Variants in SERPINB10 observed in about 807,000 individuals in gnomAD.
The protein encoded by SERPINB10 is serpin B10.
In SERPINB10, 35 loss-of-function variants were observed where a neutral mutation model predicts 39.1. The observed-to-expected ratio is 0.90, with a 90% CI of 0.68 to 1.19. The LOEUF is 1.19. Ranked by LOEUF, SERPINB10 falls within the 50% of genes most tolerant of loss-of-function variation. The probability of loss-of-function intolerance (pLI) is 0.00; values close to 1 mark genes in which losing one functional copy is unlikely to be tolerated. For synonymous variants in SERPINB10, 190 were observed against 158.1 expected (o/e 1.20, Z -1.52); for missense variants, 546 against 460.5 (o/e 1.19, Z -1.70).
chr18:63,934,852 C>T lies in SERPINB10; in HGVS notation c.804C>T (p.Ile268=). Residue 268 remains isoleucine, a synonymous_variant, in exon 8 of 8, where the codon ATC becomes ATT. Transcript: ENST00000238508. ...INGLEQLEKA[I]TYEKLNEWTS... ...CAAATGGGCAGCTGGAAAAGGCCAT[C>T]ACCTATGAGAAGCTGAATGAGTGGA... The T allele has an allele frequency of 1.9e-6, 3 of 1,596,888 alleles. No individual in the cohort carries two copies. The highest frequency in any genetic ancestry group is 1.1e-5 in the South Asian group (1 of 87,634).
At chr18:63,929,743 A>T (rs1390356209) in intron 5 of SERPINB10, among the ~76,000 whole-genome samples, 2 of 144,534 alleles carry the variant, frequency 1.4e-5, no homozygotes, top group Non-Finnish European at 3.0e-5. Flanking sequence ...AGAAAAAAAA[A>T]AAGAAATAGG....
chr18:63,933,127 G>A lies in SERPINB10; in HGVS notation c.713G>A (p.Gly238Asp). 6.2e-7 allele frequency: 1 copy of A among 1,613,806 alleles called. No individual in the cohort carries two copies. Among genetic ancestry groups the A allele is most frequent in the African/African-American group, 1.3e-5 (1 of 75,000 alleles). Residue 238 changes from glycine (G) to aspartate (D), a missense_variant, in exon 7 of 8, where the codon GGC becomes GAC. Physicochemically the swap from Gly to Asp is moderately conservative, Grantham distance 94 (BLOSUM62 -1). Transcript: ENST00000238508. Reference protein sequence around the residue: ...IFHIEKPKAVGLQLYYKSRDL... With the variant: ...IFHIEKPKAVDLQLYYKSRDL... ...CACATAGAAAAGCCAAAAGCAGTGG[G>A]CCTTCAACTCTACTACAAAAGCCGT...
chr18:63,912,959 G>T (rs1460971132), intron 1 of SERPINB10, among the ~76,000 whole-genome samples: 1 of 151,896 alleles, frequency 6.6e-6, no homozygotes, highest in Non-Finnish European at 1.5e-5. Context: ...TTTGAAACAT[G>T]ATATTGATCT....
In SERPINB10 at chr18:63,915,622, T is replaced by G. The variant is rs761279299; in HGVS notation, c.112T>G (p.Ser38Ala). Residue 38 changes from serine to alanine, a missense_variant, in exon 2 of 8, where the codon TCC (serine) becomes GCC (alanine). Coordinates refer to ENST00000238508, the MANE Select transcript of SERPINB10 (RefSeq NM_005024.3). The stretch of plus-strand genomic sequence containing the variant: ...CTTTTCTTCCTGGAGCATCTCAACT[T>G]CCTTGACCATAGTGTATTTGGGCGC... The part of the protein sequence containing the change: ...IFFSSWSIST[S>A]LTIVYLGAKG... 6.2e-7 allele frequency: 1 copy of G among 1,612,804 alleles called. No homozygotes were observed.
chr18:63,924,726 T>C (rs1023271447), intron 5 of SERPINB10, among the ~76,000 whole-genome samples: 1 of 151,956 alleles, frequency 6.6e-6, no homozygotes, highest in African/African-American at 2.4e-5. Context: ...CAAGAAGTCA[T>C]CTGTGATGCC....
intron 6 of SERPINB10, among the ~76,000 whole-genome samples, chr18:63,932,544 TA>T (rs933777538): frequency 6.6e-6 from 1 of 152,214 alleles, no homozygotes. Context: ...TTTGCCCATT[TA>T]AAAAAACTGG....
intron 6 of SERPINB10, among the ~76,000 whole-genome samples, chr18:63,931,292 C>T (rs1286014741): frequency 6.6e-6 from 1 of 152,098 alleles, no homozygotes; most frequent in Non-Finnish European, 1.5e-5. Context: ...TAATAATGAT[C>T]AGGGAATATG....
Position 63,935,147 on chromosome 18 carries a change from T to C in SERPINB10, c.1099T>C (p.Ser367Pro). ...GATAGATATACGAATTAGAGTCCCA[T>C]CCATTGAATTCAATGCAAATCACCC... ...SEIDIRIRVP[S>P]IEFNANHPFL... Residue 367 changes from serine (S) to proline (P), a missense_variant, in exon 8 of 8, where the codon TCC becomes CCC. Physicochemically the swap from Ser to Pro is moderately conservative, Grantham distance 74. Transcript: ENST00000238508. 6.2e-7 allele frequency: 1 copy of C among 1,613,510 alleles called. No homozygotes were observed. Among genetic ancestry groups the C allele is most frequent in the Non-Finnish European group, 8.5e-7 (1 of 1,179,994 alleles).
chr18:63,908,111 T>C, intron 1 of SERPINB10, 71 bp downstream of exon 1: 1 of 256,360 alleles, frequency 3.9e-6, no homozygotes, highest in South Asian at 3.8e-5. Flanking sequence ...CCCAGCTAGG[T>C]AACAAATAAT....
At chr18:63,929,734 G>GAAAAAAAAAAAAAAAAAAAAAAAA (rs796777562) in intron 5 of SERPINB10, among the ~76,000 whole-genome samples, 3 of 113,846 alleles carry the variant, frequency 2.6e-5, no homozygotes, top group Non-Finnish European at 5.6e-5. Flanking sequence ...AAAAAAAAAA[G>GAAAAAAAAAAAAAAAAAAAAAAAA]AAAAAAAAAA....
intron 6 of SERPINB10, among the ~76,000 whole-genome samples, chr18:63,931,804 G>A (rs189379178): frequency 4.6e-5 from 7 of 152,204 alleles, no homozygotes; most frequent in Admixed American, 4.6e-4. Flanking sequence ...GTCCACTCTT[G>A]ATGTCGTACT....
intron 6 of SERPINB10, among the ~76,000 whole-genome samples, chr18:63,930,427 G>A (rs1239379846): frequency 6.6e-6 from 1 of 152,016 alleles, no homozygotes; most frequent in Non-Finnish European, 1.5e-5. Context: ...GGGTAGGGTA[G>A]TTTTCATATT....
intron 2 of SERPINB10, 67 bp downstream of exon 2, chr18:63,915,745 C>G: frequency 7.3e-7 from 1 of 1,368,340 alleles, no homozygotes; most frequent in Non-Finnish European, 1.0e-6. Flanking sequence ...CTTTTAACTT[C>G]AGTTTTCTCT....
intron 5 of SERPINB10, among the ~76,000 whole-genome samples, chr18:63,922,445 G>A (rs987965868): frequency 6.6e-6 from 1 of 151,964 alleles, no homozygotes; most frequent in Non-Finnish European, 1.5e-5. Context: ...CATAGCAGGA[G>A]TAGGAGTAAG....
chr18:63,908,856 C>T (rs981529876), intron 1 of SERPINB10, among the ~76,000 whole-genome samples: 1 of 152,044 alleles, frequency 6.6e-6, no homozygotes, highest in African/African-American at 2.4e-5. Flanking sequence ...TCTTCTTTCT[C>T]CTCCTGATGG....
intron 5 of SERPINB10, among the ~76,000 whole-genome samples, chr18:63,920,368 T>A (rs1421152618): frequency 1.8e-4 from 28 of 151,988 alleles, no homozygotes; most frequent in Admixed American, 1.8e-3. Context: ...CAAAATATAG[T>A]GGCTTAATAA....
At chr18:63,911,933 G>T (rs2050067672) in intron 1 of SERPINB10, among the ~76,000 whole-genome samples, 1 of 131,404 alleles carries the variant, frequency 7.6e-6, no homozygotes, top group South Asian at 2.3e-4. Flanking sequence ...CCATTTGTTT[G>T]TATTATTTAT....
At chr18:63,921,889 A>G (rs556143565) in intron 5 of SERPINB10, among the ~76,000 whole-genome samples, 176 of 151,922 alleles carry the variant, frequency 1.2e-3, no homozygotes, top group Non-Finnish European at 2.1e-3. Flanking sequence ...TACTCATGCC[A>G]TTTCTTCTAT....
intron 1 of SERPINB10, among the ~76,000 whole-genome samples, chr18:63,914,251 T>A (rs2050086206): frequency 6.6e-6 from 1 of 152,114 alleles, no homozygotes; most frequent in Admixed American, 6.6e-5. Context: ...ATATGGTGTT[T>A]AGCCCATTTA....
Sources: gnomAD v4.1 joint callset for allele counts (sites outside exome capture counted in the v4.1 genomes callset) on GRCh38, gnomAD v4.1.1 for gene constraint, MANE v1.5 for transcripts, NCBI Gene and HGNC (gene_info 2026-07-23, HGNC 2026-07-21) for gene names.